Variants in ZNF536 observed in about 807,000 individuals in gnomAD.
ZNF536 encodes the protein zinc finger protein 536.
ZNF536 carries 13 observed loss-of-function variants against 84.5 expected under a neutral mutation model. That is an observed-to-expected ratio of 0.15 (90% confidence interval 0.10 to 0.24). The LOEUF (loss-of-function observed/expected upper bound fraction) is 0.24, where lower values mean the gene tolerates loss of function less well. Among genes scored for constraint, ZNF536 ranks in the 10% least tolerant of loss-of-function variants. ZNF536 has a pLI of 1.00. For synonymous variants in ZNF536, 811 were observed against 742.5 expected (o/e 1.09, Z -1.50); for missense variants, 1,536 against 1,747.5 (o/e 0.88, Z 2.16).
intron 1 of ZNF536, among the ~76,000 whole-genome samples, chr19:30,572,251 C>T (rs764680117): frequency 1.3e-5 from 2 of 152,204 alleles, no homozygotes; most frequent in Non-Finnish European, 2.9e-5. Context: ...TGTCTGTGTG[C>T]TGCGTCTCAC....
rs1331826250 is a variant in ZNF536 at position 30,598,979 on chromosome 19, C to CCCTCCCTTCCTT, written c.169+49477_169+49488dup. Among the ~76,000 whole-genome samples the CCCTCCCTTCCTT allele has an allele frequency of 1.7e-3, 155 of 89,526 alleles. 1 individual carries two copies. The highest frequency in any genetic ancestry group is 5.8e-3 in the African/African-American group (148 of 25,514). The allele number at this position is 89,526 out of a possible 152,430, so 58.7% of individuals were successfully genotyped here. A position where few individuals can be genotyped will look rare whatever the true frequency, so the allele number is the denominator to read the frequency against. On this transcript the variant is annotated intron_variant, in intron 1 of 1. Transcript: ENST00000592773. Reference sequence around the variant, plus strand: ...TTCCTTCCTCCTTCCCTCCTTCCCTCCCTCCCTTCCTTCCTCCCTTCCTCC... The same window carrying CCCTCCCTTCCTT: ...TTCCTTCCTCCTTCCCTCCTTCCCTCCCTCCCTTCCTTCCTCCCTTCCTTCCTCCCTTCCTCC...
chr19:30,658,443 C>A (rs747344453), intron 1 of ZNF536, among the ~76,000 whole-genome samples: 2 of 152,154 alleles, frequency 1.3e-5, no homozygotes, highest in Non-Finnish European at 2.9e-5. Context: ...GATCTTCTCT[C>A]CGATCTTTAA....
chr19:30,280,251 C>T (rs184934872), intron 1 of ZNF536, among the ~76,000 whole-genome samples: 8 of 152,106 alleles, frequency 5.3e-5, no homozygotes, highest in East Asian at 3.9e-4. Context: ...CCTCCTGCCC[C>T]CCTTACTTTT....
At chr19:30,698,800 T>G (rs1401575559) in intron 1 of ZNF536, among the ~76,000 whole-genome samples, 1 of 152,218 alleles carries the variant, frequency 6.6e-6, no homozygotes, top group Non-Finnish European at 1.5e-5. Flanking sequence ...CATACTGTAC[T>G]CTTTGGAAGG....
At chr19:30,483,877 TG>T (rs2144920518) in intron 2 of ZNF536, among the ~76,000 whole-genome samples, 1 of 152,114 alleles carries the variant, frequency 6.6e-6, no homozygotes, top group African/African-American at 2.4e-5. Flanking sequence ...GTCTTTGTTC[TG>T]GGGTGGGGGT....
intron 1 of ZNF536, among the ~76,000 whole-genome samples, chr19:30,636,703 C>A (rs1290318687): frequency 1.3e-5 from 2 of 152,096 alleles, no homozygotes; most frequent in Non-Finnish European, 2.9e-5. Flanking sequence ...ATAAAAGAAC[C>A]TCATTTTGGT....
intron 1 of ZNF536, among the ~76,000 whole-genome samples, chr19:30,282,060 C>G (rs1407077248): frequency 6.6e-6 from 1 of 152,238 alleles, no homozygotes; most frequent in Non-Finnish European, 1.5e-5. Context: ...CCTTCCTCCC[C>G]ACCCTGCATC....
At chr19:30,625,416 A>T (rs2048639137) in intron 1 of ZNF536, among the ~76,000 whole-genome samples, 1 of 152,226 alleles carries the variant, frequency 6.6e-6, no homozygotes, top group African/African-American at 2.4e-5. Flanking sequence ...TAAAATGAGA[A>T]ATGATAATTA....
At chr19:30,512,088 TA>T (rs1201049712) in intron 2 of ZNF536, among the ~76,000 whole-genome samples, 2 of 152,206 alleles carry the variant, frequency 1.3e-5, no homozygotes, top group Non-Finnish European at 2.9e-5. Flanking sequence ...ATTTTAAACT[TA>T]AAATGATGAA....
intron 1 of ZNF536, among the ~76,000 whole-genome samples, chr19:30,600,053 T>TTG (rs1555809247): frequency 4.2e-4 from 63 of 149,126 alleles, no homozygotes; most frequent in Middle Eastern, 3.5e-3. Flanking sequence ...TTTTTTTTTT[T>TTG]TTGTTGTTGT....
chr19:30,264,930 C>CGTGTGTGTGT (rs71333450), intron 1 of ZNF536, among the ~76,000 whole-genome samples: 7 of 135,608 alleles, frequency 5.2e-5, no homozygotes, highest in South Asian at 2.7e-4. Flanking sequence ...TGTCAATAGT[C>CGTGTGTGTGT]GTGTGTGTGT....
intron 1 of ZNF536, among the ~76,000 whole-genome samples, chr19:30,684,118 T>TAC (rs892774900): frequency 9.9e-5 from 15 of 151,668 alleles, no homozygotes; most frequent in African/African-American, 1.2e-4. Context: ...GACTCACATG[T>TAC]ACACACACAC....
At chr19:30,227,701 G>C (rs1486609797), upstream of ZNF536, among the ~76,000 whole-genome samples, 2 of 151,694 alleles carry the variant, frequency 1.3e-5, no homozygotes, top group African/African-American at 4.8e-5. Context: ...GCGAGCGCGC[G>C]GTACGGCCCT....
At chr19:30,670,663 C>A (rs907868938) in intron 1 of ZNF536, among the ~76,000 whole-genome samples, 5 of 152,220 alleles carry the variant, frequency 3.3e-5, no homozygotes, top group African/African-American at 7.2e-5. Flanking sequence ...CCAGGCTCTT[C>A]CTCGTGGAGT....
chr19:30,702,858 T>C (rs1007006252), intron 1 of ZNF536, among the ~76,000 whole-genome samples: 4 of 152,192 alleles, frequency 2.6e-5, no homozygotes, highest in Non-Finnish European at 5.9e-5. Context: ...AGCACCGTGC[T>C]GGGTGGTGAG....
chr19:30,420,396 G>C (rs2050903975), intron 1 of ZNF536, among the ~76,000 whole-genome samples: 1 of 152,068 alleles, frequency 6.6e-6, no homozygotes, highest in South Asian at 2.1e-4. Context: ...AAAGCTCCTG[G>C]GGAGGCATAT....
chr19:30,344,975 G>A (rs543528620), intron 2 of ZNF536, among the ~76,000 whole-genome samples: 2 of 152,256 alleles, frequency 1.3e-5, no homozygotes, highest in South Asian at 4.2e-4. Flanking sequence ...TAAGATTTCT[G>A]CCTCCTGCTG....
intron 1 of ZNF536, among the ~76,000 whole-genome samples, chr19:30,418,004 C>T (rs1468442625): frequency 6.6e-6 from 1 of 152,100 alleles, no homozygotes; most frequent in African/African-American, 2.4e-5. Flanking sequence ...CCCGCTTGGC[C>T]TTCCTTAGTG....
At chr19:30,640,053 T>G (rs1568627377) in intron 1 of ZNF536, among the ~76,000 whole-genome samples, 1 of 152,190 alleles carries the variant, frequency 6.6e-6, no homozygotes, top group Admixed American at 6.5e-5. Context: ...GAGACCAGCC[T>G]GGCTAACACG....
Sources: gnomAD v4.1 joint callset for allele counts (sites outside exome capture counted in the v4.1 genomes callset) on GRCh38, gnomAD v4.1.1 for gene constraint, MANE v1.5 for transcripts, NCBI Gene and HGNC (gene_info 2026-07-23, HGNC 2026-07-21) for gene names.